RAB27B: variants seen among roughly 807,000 people sequenced by gnomAD.
RAB27B encodes RAB27B, member RAS oncogene family.
In RAB27B, 15 loss-of-function variants were observed where a neutral mutation model predicts 24.6. The observed-to-expected ratio is 0.61, with a 90% CI of 0.41 to 0.94. RAB27B has a LOEUF of 0.94. Ranked by LOEUF, RAB27B falls within the 40% of genes least tolerant of loss-of-function variation. RAB27B has a pLI of 0.00. For missense variants in RAB27B, 261 were observed against 266.8 expected (o/e 0.98, Z 0.15); for synonymous variants, 105 against 92.5 (o/e 1.14, Z -0.78).
intron 3 of RAB27B, among the ~76,000 whole-genome samples, chr18:54,883,631 C>T (rs1274363849): frequency 6.6e-6 from 1 of 152,180 alleles, no homozygotes. Context: ...CAGGGAAAAA[C>T]TTTGCATTGC....
chr18:54,736,397 C>A (rs1909894007), intron 2 of RAB27B, among the ~76,000 whole-genome samples: 1 of 151,746 alleles, frequency 6.6e-6, no homozygotes, highest in African/African-American at 2.4e-5. Context: ...ACTACTTTAC[C>A]ATGGTTTTCT....
At chr18:54,883,219 T>A (rs953235438) in intron 3 of RAB27B, among the ~76,000 whole-genome samples, 1 of 152,132 alleles carries the variant, frequency 6.6e-6, no homozygotes, top group African/African-American at 2.4e-5. Context: ...AGGCATCTAA[T>A]GTGAAAGGCA....
intron 1 of RAB27B, among the ~76,000 whole-genome samples, chr18:54,842,855 C>A (rs750643432): frequency 6.6e-6 from 1 of 152,040 alleles, no homozygotes; most frequent in Non-Finnish European, 1.5e-5. Flanking sequence ...AGTGCAGTGG[C>A]GGGATCTCGG....
rs1201121219 is a variant in RAB27B, at chr18:54,790,829, G to A, written c.-20+72688G>A. On this transcript the variant is annotated intron_variant, in intron 2 of 4. Coordinates refer to the RAB27B transcript ENST00000586570. ...GTCAACACTTTTGTAAAACATTTTA[G>A]CACTTGTAGAATTATCTTCAAGCCT... Among the ~76,000 whole-genome samples the A allele has an allele frequency of 2.6e-5, 4 of 152,062 alleles. No individual in the cohort carries two copies. In the East Asian group the frequency reaches 7.7e-4, roughly 29 times the overall value.
intron 3 of RAB27B, chr18:54,880,546 T>C (rs887916522): frequency 2.0e-5 from 3 of 152,078 alleles, no homozygotes; most frequent in African/African-American, 7.2e-5. Context: ...CCAGGAGAGG[T>C]GCTGGGCCCT....
intron 2 of RAB27B, among the ~76,000 whole-genome samples, chr18:54,733,901 C>G (rs1358179914): frequency 6.6e-6 from 1 of 152,028 alleles, no homozygotes; most frequent in East Asian, 1.9e-4. Context: ...CAATCCTATG[C>G]AAATAACTTA....
At chr18:54,877,809 T>A in intron 2 of RAB27B, 71 bp downstream of exon 2, 4 of 1,436,416 alleles carry the variant, frequency 2.8e-6, no homozygotes, top group Non-Finnish European at 3.7e-6. Flanking sequence ...AGAAGCTATG[T>A]TTATTGCATT....
intron 2 of RAB27B, among the ~76,000 whole-genome samples, chr18:54,796,337 G>A (rs1568068997): frequency 6.6e-6 from 1 of 152,196 alleles, no homozygotes; most frequent in Admixed American, 6.5e-5. Context: ...TGATCAGCTC[G>A]ATAGACCCTC....
At chr18:54,794,673 C>CT (rs1318796991) in intron 2 of RAB27B, among the ~76,000 whole-genome samples, 1 of 152,112 alleles carries the variant, frequency 6.6e-6, no homozygotes, top group Non-Finnish European at 1.5e-5. Context: ...TAATTCCCAG[C>CT]TTTTTTTGAA....
intron 1 of RAB27B, among the ~76,000 whole-genome samples, chr18:54,871,864 A>AG (rs1213441900): frequency 2.6e-5 from 4 of 151,930 alleles, no homozygotes; most frequent in East Asian, 2.0e-4. Context: ...AAAAAAAAAA[A>AG]AAAAAGAAAT....
intron 2 of RAB27B, among the ~76,000 whole-genome samples, chr18:54,728,227 G>A (rs923589258): frequency 3.9e-5 from 6 of 152,186 alleles, no homozygotes; most frequent in Non-Finnish European, 7.3e-5. Flanking sequence ...TAGGGGTGGG[G>A]AGGCTACAGA....
chr18:54,762,036 A>G (rs981424561), intron 2 of RAB27B, among the ~76,000 whole-genome samples: 1 of 152,216 alleles, frequency 6.6e-6, no homozygotes, highest in Admixed American at 6.5e-5. Context: ...ACAGCAAAGA[A>G]GGAGATGTGA....
chr18:54,849,937 A>G (rs538964094), intron 1 of RAB27B, among the ~76,000 whole-genome samples: 60 of 152,258 alleles, frequency 3.9e-4, no homozygotes, highest in Admixed American at 6.5e-4. Context: ...ATACCTTTAA[A>G]AGGAAAAATT....
At chr18:54,838,774 T>A (rs1194617399) in intron 1 of RAB27B, among the ~76,000 whole-genome samples, 1 of 152,184 alleles carries the variant, frequency 6.6e-6, no homozygotes, top group Non-Finnish European at 1.5e-5. Context: ...AGATTTCTGA[T>A]ACAATCTTGT....
At chr18:54,826,228 G>A (rs1910466355), upstream of RAB27B, among the ~76,000 whole-genome samples, 1 of 152,184 alleles carries the variant, frequency 6.6e-6, no homozygotes, top group Non-Finnish European at 1.5e-5. Flanking sequence ...GAATTAGACA[G>A]ATGTTATGTC....
chr18:54,813,416 G>GGGA (rs1364617685), intron 2 of RAB27B, among the ~76,000 whole-genome samples: 1 of 152,214 alleles, frequency 6.6e-6, no homozygotes, highest in Non-Finnish European at 1.5e-5. Flanking sequence ...GGGATGTAGT[G>GGGA]GGAGGTGTTG....
At chr18:54,731,796 A>G (rs1029863058) in intron 2 of RAB27B, among the ~76,000 whole-genome samples, 4 of 152,240 alleles carry the variant, frequency 2.6e-5, no homozygotes, top group Admixed American at 6.5e-5. Flanking sequence ...TTAACAAATG[A>G]CAAAGATCAA....
At chr18:54,795,665 G>A (rs1378763054) in intron 2 of RAB27B, among the ~76,000 whole-genome samples, 1 of 152,106 alleles carries the variant, frequency 6.6e-6, no homozygotes, top group Non-Finnish European at 1.5e-5. Flanking sequence ...CTTTCCTGAG[G>A]AAGAAACTCA....
chr18:54,879,482 T>C lies in RAB27B; in HGVS notation c.239+28T>C, dbSNP rs184200531. ...AATAGTAAATTGCTTTATTTGTGGC[T>C]ACACATAGCTTAGAAAAACTTACTT... On this transcript the variant is annotated intron_variant, in intron 3 of 5. Transcript: ENST00000262094. 4.8e-4 allele frequency: 748 copies of C among 1,550,212 alleles called. 5 individuals are homozygous for C. In the African/African-American group the frequency reaches 8.4e-3, roughly 17 times the overall value.
Sources: gnomAD v4.1 joint callset for allele counts (sites outside exome capture counted in the v4.1 genomes callset) on GRCh38, gnomAD v4.1.1 for gene constraint, MANE v1.5 for transcripts, NCBI Gene and HGNC (gene_info 2026-07-23, HGNC 2026-07-21) for gene names.